Variants in ZDHHC24 observed in about 807,000 individuals in gnomAD.
The protein encoded by ZDHHC24 is probable palmitoyltransferase ZDHHC24.
Under a neutral mutation model 23.2 loss-of-function variants are expected in ZDHHC24, and 17 were observed. That is an observed-to-expected ratio of 0.73 (90% CI 0.50 to 1.10). The LOEUF is 1.10. Ranked by LOEUF, ZDHHC24 falls within the 50% of genes least tolerant of loss-of-function variation. The pLI is 0.00. For missense variants in ZDHHC24, 366 were observed against 393.0 expected (o/e 0.93, Z 0.58); for synonymous variants, 186 against 194.5 (o/e 0.96, Z 0.36).
downstream of ZDHHC24, among the ~76,000 whole-genome samples, chr11:66,535,564 C>T (rs116093135): frequency 2.9e-3 from 445 of 152,074 alleles, 4 homozygotes; most frequent in African/African-American, 9.7e-3. Context: ...TTTGATAGTG[C>T]ATGTATAATA....
downstream of ZDHHC24, chr11:66,532,141 G>C (rs554182779): frequency 6.9e-5 from 86 of 1,245,124 alleles, no homozygotes; most frequent in Non-Finnish European, 4.0e-5. Flanking sequence ...TGGGGCGACA[G>C]CTCGTCTCCC....
At chr11:66,520,898 T>C (rs1300268841), downstream of ZDHHC24, 3 of 340,120 alleles carry the variant, frequency 8.8e-6, no homozygotes, top group Admixed American at 4.3e-5. Context: ...TTTGTACTTT[T>C]GGTAGAGACA....
At chr11:66,522,461 C>T (rs1299232323) in intron 4 of ZDHHC24, among the ~76,000 whole-genome samples, 1 of 151,442 alleles carries the variant, frequency 6.6e-6, no homozygotes, top group Non-Finnish European at 1.5e-5. Context: ...GATTCTCCTG[C>T]CTCAGCCTCC....
In ZDHHC24 at chr11:66,526,561, A is replaced by G. The variant is rs1315761713; in HGVS notation, c.*21+375T>C. On this transcript the variant is annotated intron_variant, in intron 4 of 4. Transcript: ENST00000526986. ...GACGGATGTGTACAGAAGCAACTCT[A>G]TAGGAGGCAGATTGTTTGGGGAAGA... The G allele has an allele frequency of 3.3e-5, 51 of 1,557,824 alleles. No individual in the cohort carries two copies. In the East Asian group the frequency reaches 1.1e-3, roughly 34 times the overall value.
chr11:66,535,502 T>C (rs1375525750), downstream of ZDHHC24, among the ~76,000 whole-genome samples: 2 of 151,992 alleles, frequency 1.3e-5, no homozygotes, highest in Non-Finnish European at 2.9e-5. Context: ...CCCATTAATT[T>C]TGTATTTTGC....
rs182329044 is a variant in ZDHHC24, at chr11:66,521,483, C to G, written c.*22-17G>C. Reference sequence around the variant, plus strand: ...GCTTTAAGGCTGGAATTTGGAAATGCAAAGAGCTGAGAACTTCATAAAGGA... The same window carrying G: ...GCTTTAAGGCTGGAATTTGGAAATGGAAAGAGCTGAGAACTTCATAAAGGA... On this transcript the variant is annotated splice_polypyrimidine_tract_variant and intron_variant, in intron 4 of 4. Coordinates refer to the ZDHHC24 transcript ENST00000526986. The G allele has an allele frequency of 3.6e-4, 314 of 882,856 alleles. 1 individual carries two copies. The highest frequency in any genetic ancestry group is 3.5e-4 in the Non-Finnish European group (192 of 542,402). 54.7% of individuals were successfully genotyped at this position (882,856 alleles called of 1,614,324 possible).
chr11:66,539,387 A>C lies in ZDHHC24; in HGVS notation c.*142T>G. 2 of 1,371,454 alleles carry C rather than the reference A, an allele frequency of 1.5e-6. No homozygotes were observed. The highest frequency in any genetic ancestry group is 1.8e-5 in the South Asian group (1 of 55,246). 85.0% of individuals were successfully genotyped at this position (1,371,454 alleles called of 1,614,324 possible). ...CCAAGCCCTGGACACGTAGGAGTGT[A>C]GGCGGGCAGGGGCAAGGCCAAGGAA... is the stretch of plus-strand genomic sequence containing the variant. On this transcript the variant is annotated 3_prime_UTR_variant, in exon 3 of 3. Transcript: ENST00000310442.
At chr11:66,530,600 G>A (rs1856734434) in intron 2 of ZDHHC24, among the ~76,000 whole-genome samples, 1 of 152,202 alleles carries the variant, frequency 6.6e-6, no homozygotes, top group Non-Finnish European at 1.5e-5. Flanking sequence ...ACCCTAGGAT[G>A]AGAGTGGGAG....
intron 4 of ZDHHC24, chr11:66,521,529 G>A (rs1856216512): frequency 1.4e-6 from 1 of 705,374 alleles, no homozygotes; most frequent in Non-Finnish European, 2.5e-6. Flanking sequence ...ACAAACACAG[G>A]GGAGGATACC....
chr11:66,539,340 ACTC>A lies in ZDHHC24; in HGVS notation c.*186_*188del. 1.5e-6 allele frequency: 2 copies of A among 1,306,036 alleles called. No individual in the cohort carries two copies. The highest frequency in any genetic ancestry group is 1.5e-5 in the African/African-American group (1 of 65,682). The allele number at this position is 1,306,036 out of a possible 1,614,324, so 80.9% of individuals were successfully genotyped here. ...CAGCCCCTGCCAGACCCTCCTCTGC[ACTC>A]CTCTGCCTAAGTCACGGCCCAAGCC... On this transcript the variant is annotated 3_prime_UTR_variant, in exon 3 of 3. Transcript: ENST00000310442.
chr11:66,540,457 C>T (rs1042688335), intron 2 of ZDHHC24, among the ~76,000 whole-genome samples: 7 of 148,694 alleles, frequency 4.7e-5, no homozygotes, highest in Non-Finnish European at 7.4e-5. Context: ...AGGCCGGACG[C>T]GATGGCTCGT....
At chr11:66,540,487 T>G (rs192674772) in intron 2 of ZDHHC24, among the ~76,000 whole-genome samples, 5 of 150,690 alleles carry the variant, frequency 3.3e-5, no homozygotes, top group African/African-American at 1.2e-4. Flanking sequence ...CCCAGTATTT[T>G]GGGAGGCCGA....
At chr11:66,531,906 G>A, downstream of ZDHHC24, 1 of 1,570,660 alleles carries the variant, frequency 6.4e-7, no homozygotes, top group Non-Finnish European at 8.6e-7. Flanking sequence ...CCAGGCAAGG[G>A]GTCAGGGGTG....
intron 2 of ZDHHC24, among the ~76,000 whole-genome samples, chr11:66,541,980 A>T (rs1857166021): frequency 6.6e-6 from 1 of 151,882 alleles, no homozygotes; most frequent in South Asian, 2.1e-4. Flanking sequence ...AGGAGGGCAG[A>T]GAAGGCCTGG....
intron 4 of ZDHHC24, chr11:66,521,522 AAC>A: frequency 1.4e-6 from 1 of 715,840 alleles, no homozygotes; most frequent in Non-Finnish European, 2.5e-6. Flanking sequence ...TGAGCCCACA[AAC>A]ACAGGGGAGG....
At chr11:66,522,902 A>C (rs1856303806) in intron 4 of ZDHHC24, 1 of 346,988 alleles carries the variant, frequency 2.9e-6, no homozygotes, top group Non-Finnish European at 5.6e-6. Flanking sequence ...ATGGCTTGAA[A>C]GTTAAAAAGG....
chr11:66,526,163 A>C (rs770067805), intron 4 of ZDHHC24: 2 of 1,614,166 alleles, frequency 1.2e-6, no homozygotes, highest in Non-Finnish European at 1.7e-6. Context: ...TACGGGCGGG[A>C]GGACAACACC....
chr11:66,523,680 T>C (rs1482274492), intron 4 of ZDHHC24: 9 of 1,610,016 alleles, frequency 5.6e-6, no homozygotes, highest in Non-Finnish European at 7.6e-6. Flanking sequence ...TTCTTTCCAC[T>C]GTAAGCCCTG....
rs1337443503 is a variant in ZDHHC24 at position 66,529,322 on chromosome 11, G to A, written c.726C>T (p.Asn242=). ...TGACGGAGGCAGGACCATGAGGCTG[G>A]TTTCCGCAGCATTGAGCCTGAGGTG... is the stretch of plus-strand genomic sequence containing the variant. The change falls in exon 3 of 5, where the codon AAC becomes AAT. Residue 242 remains asparagine (N), a synonymous_variant. Coordinates refer to the ZDHHC24 transcript ENST00000526986. 4 of 1,536,260 alleles carry A rather than the reference G, an allele frequency of 2.6e-6. No individual in the cohort carries two copies. In the South Asian group the frequency reaches 4.8e-5, roughly 18 times the overall value.
Sources: allele counts gnomAD v4.1 joint callset (sites outside exome capture counted in the v4.1 genomes callset), GRCh38; gene constraint gnomAD v4.1.1; transcripts MANE v1.5; gene names NCBI Gene and HGNC (gene_info 2026-07-23, HGNC 2026-07-21).